The following CSMD1 variants were observed in gnomAD, a reference collection of about 807,000 sequenced individuals.
The protein encoded by CSMD1 is CUB and sushi domain-containing protein 1.
Under a neutral mutation model 417.5 loss-of-function variants are expected in CSMD1, and 213 were observed. That is an observed-to-expected ratio of 0.51 (90% CI 0.46 to 0.57). The LOEUF is 0.57. Among genes scored for constraint, CSMD1 ranks in the 20% least tolerant of loss-of-function variants. The pLI is 0.00. For synonymous variants in CSMD1, 2,862 were observed against 1,736.8 expected (o/e 1.65, Z -16.11); for missense variants, 6,923 against 4,529.7 (o/e 1.53, Z -15.17).
chr8:3,674,103 C>A (rs1455719303), intron 7 of CSMD1, among the ~76,000 whole-genome samples: 1 of 149,902 alleles, frequency 6.7e-6, no homozygotes, highest in East Asian at 2.0e-4. Context: ...GAGACTCCCT[C>A]TCAAAAGACA....
At position 3,183,387 on chromosome 8, in the gene CSMD1, T is replaced by A. The variant is rs375366827; in HGVS notation, c.5621-2173A>T. Among the ~76,000 whole-genome samples, 35 of 149,036 alleles carry A rather than the reference T, an allele frequency of 2.3e-4. 1 individual carries two copies. The South Asian group carries it at 7.3e-3, about 31-fold the overall frequency. On this transcript the variant is annotated intron_variant, in intron 36 of 69. Coordinates refer to ENST00000635120, the MANE Select transcript of CSMD1 (RefSeq NM_033225.6). ...ACGATACCATCGGCACCCACCGACG[T>A]CACGAACTGAACGCCTAATCTATCT...
intron 3 of CSMD1, among the ~76,000 whole-genome samples, chr8:4,359,025 G>T (rs1584953033): frequency 6.6e-6 from 1 of 151,990 alleles, no homozygotes; most frequent in East Asian, 1.9e-4. Context: ...ATACATATAT[G>T]CCTATATATG....
At chr8:4,584,920 G>C (rs563206210) in intron 2 of CSMD1, among the ~76,000 whole-genome samples, 1 of 152,152 alleles carries the variant, frequency 6.6e-6, no homozygotes, top group East Asian at 1.9e-4. Context: ...ATTTAGACTG[G>C]ATTAAGGAGA....
chr8:2,966,145 G>A (rs1379215636), intron 58 of CSMD1, among the ~76,000 whole-genome samples, 191 bp from the exon 59 acceptor site: 1 of 152,166 alleles, frequency 6.6e-6, no homozygotes, highest in Non-Finnish European at 1.5e-5. Context: ...TGTATTTTGA[G>A]AATCACTGAT....
At chr8:3,643,854 A>G (rs1424818150) in intron 7 of CSMD1, among the ~76,000 whole-genome samples, 1 of 152,200 alleles carries the variant, frequency 6.6e-6, no homozygotes, top group Non-Finnish European at 1.5e-5. Flanking sequence ...TATGTTAATT[A>G]GCTTAATGAA....
At chr8:4,251,568 A>C (rs939384333) in intron 3 of CSMD1, among the ~76,000 whole-genome samples, 3 of 152,230 alleles carry the variant, frequency 2.0e-5, no homozygotes, top group African/African-American at 7.2e-5. Flanking sequence ...AGTATCCCAC[A>C]GGTGACTCTA....
At chr8:3,007,772 G>A (rs1808059961) in intron 52 of CSMD1, among the ~76,000 whole-genome samples, 1 of 128,164 alleles carries the variant, frequency 7.8e-6, no homozygotes, top group South Asian at 3.1e-4. Flanking sequence ...GGACCGCTGT[G>A]GGGTGGGGGG....
chr8:3,170,779 A>G (rs1820536756), intron 37 of CSMD1, among the ~76,000 whole-genome samples: 1 of 152,238 alleles, frequency 6.6e-6, no homozygotes, highest in Non-Finnish European at 1.5e-5. Context: ...TTTAAAATGG[A>G]CTATTGAAAA....
At chr8:4,449,729 G>A (rs377638535) in intron 2 of CSMD1, among the ~76,000 whole-genome samples, 2 of 152,092 alleles carry the variant, frequency 1.3e-5, no homozygotes, top group Non-Finnish European at 2.9e-5. Flanking sequence ...GCCAGAATAG[G>A]GTCGGGTGTA....
chr8:3,448,972 T>C lies in CSMD1; in HGVS notation c.1561+19740A>G, dbSNP rs554449403. On this transcript the variant is annotated intron_variant, in intron 12 of 69. Transcript: ENST00000635120. ...GAAAGAAGGTGACAGCCAATCGCAA[T>C]GGATGTAAACAATCACATATAAACA... 2.6e-5 allele frequency among the ~76,000 whole-genome samples: 4 copies of C among 152,316 alleles called. No homozygotes were observed. In the East Asian group the frequency reaches 5.8e-4, roughly 22 times the overall value.
chr8:4,601,440 G>C (rs1293104697), intron 2 of CSMD1, among the ~76,000 whole-genome samples: 1 of 152,130 alleles, frequency 6.6e-6, no homozygotes, highest in Non-Finnish European at 1.5e-5. Context: ...CTTCTACAGG[G>C]ATCATCTCAT....
At chr8:3,722,254 G>A (rs1802222919) in intron 6 of CSMD1, among the ~76,000 whole-genome samples, 1 of 152,094 alleles carries the variant, frequency 6.6e-6, no homozygotes. Context: ...ATTGCAGTGA[G>A]TCGAGATCAC....
At chr8:3,626,223 G>A (rs2449221) in intron 7 of CSMD1, among the ~76,000 whole-genome samples, 17,055 of 152,156 alleles carry the variant, frequency 0.11, 1,255 homozygotes, top group African/African-American at 0.2. Flanking sequence ...GGAGAGCACC[G>A]GCTTAGCTGG....
At chr8:3,142,227 T>C (rs1563081368) in intron 41 of CSMD1, among the ~76,000 whole-genome samples, 1 of 152,188 alleles carries the variant, frequency 6.6e-6, no homozygotes, top group Non-Finnish European at 1.5e-5. Context: ...CCCGTCTTGA[T>C]AAATCGGCTC....
intron 5 of CSMD1, among the ~76,000 whole-genome samples, chr8:3,794,745 C>T (rs529680398): frequency 1.3e-5 from 2 of 152,154 alleles, no homozygotes; most frequent in East Asian, 1.9e-4. Context: ...GTTGCAACTT[C>T]CAGGTCAAGA....
At chr8:3,949,935 C>T (rs1173677706) in intron 5 of CSMD1, 6 of 455,918 alleles carry the variant, frequency 1.3e-5, no homozygotes, top group South Asian at 3.1e-5. Context: ...GACGTGAAAA[C>T]ACACATGGAG....
intron 3 of CSMD1, among the ~76,000 whole-genome samples, chr8:4,195,515 C>G (rs1247058836): frequency 2.0e-5 from 3 of 152,138 alleles, no homozygotes; most frequent in African/African-American, 7.2e-5. Context: ...CTGTATGATC[C>G]CCTGCTCTTG....
intron 2 of CSMD1, among the ~76,000 whole-genome samples, chr8:4,508,517 A>C (rs1422043920): frequency 1.3e-5 from 2 of 152,176 alleles, no homozygotes; most frequent in Non-Finnish European, 2.9e-5. Context: ...AAATCATCCA[A>C]ACGTTATAAA....
chr8:4,935,731 T>C (rs1039624832), intron 1 of CSMD1, among the ~76,000 whole-genome samples: 4 of 152,178 alleles, frequency 2.6e-5, no homozygotes, highest in African/African-American at 9.6e-5. Context: ...GGCATTTTGA[T>C]AGAAGAAAAT....
Sources: gnomAD v4.1 joint callset for allele counts (sites outside exome capture counted in the v4.1 genomes callset) on GRCh38, gnomAD v4.1.1 for gene constraint, MANE v1.5 for transcripts, NCBI Gene and HGNC (gene_info 2026-07-23, HGNC 2026-07-21) for gene names.